Variants in CDH8 observed in about 807,000 individuals in gnomAD.
CDH8 encodes cadherin 8, also known as cadherin-8.
Under a neutral mutation model 68.1 loss-of-function variants are expected in CDH8, and 17 were observed. The observed-to-expected ratio is 0.25, with a 90% confidence interval of 0.17 to 0.37. The LOEUF (loss-of-function observed/expected upper bound fraction) is 0.37. CDH8 is among the 10% of genes least tolerant of loss of function. The probability of loss-of-function intolerance (pLI) is 1.00; values close to 1 mark genes in which losing one functional copy is unlikely to be tolerated. For synonymous variants in CDH8, 372 were observed against 365.1 expected, an observed-to-expected ratio of 1.02 and a Z score of -0.21; for missense variants, 763 against 999.3, an observed-to-expected ratio of 0.76 and a Z score of 3.19.
intron 8 of CDH8, among the ~76,000 whole-genome samples, chr16:61,756,105 G>A (rs1960309362): frequency 1.3e-5 from 2 of 152,124 alleles, no homozygotes; most frequent in Admixed American, 6.6e-5. Flanking sequence ...ACAGGCATGA[G>A]CCACTGCAAC....
At position 61,817,631 on chromosome 16, in the gene CDH8, C is replaced by T. The variant is rs373846529; in HGVS notation, c.1125G>A (p.Thr375=). The T allele has an allele frequency of 6.9e-5, 112 of 1,613,694 alleles. No individual in the cohort carries two copies. The highest frequency in any genetic ancestry group is 8.9e-5 in the Non-Finnish European group (105 of 1,179,958). ...RFSGRGPFKD[T]ATVKIVVEDA... ...CTTCAACCACGATTTTGACTGTCGC[C>T]GTGTCTTTAAAGGGCCCCCTGCCAC... Residue 375 remains threonine (T), a synonymous_variant, in exon 7 of 12, where the codon ACG becomes ACA. Transcript: ENST00000577390.
chr16:61,651,222 A>T lies in CDH8; in HGVS notation c.*2386T>A. The T allele has an allele frequency of 6.6e-6, 1 of 152,084 alleles. No homozygotes were observed. Among genetic ancestry groups the T allele is most frequent in the Non-Finnish European group, 1.5e-5 (1 of 68,026 alleles). 9.4% of individuals were successfully genotyped at this position (152,084 alleles called of 1,614,324 possible). ...GGTGTAAGATAGTTGGAATATTACT[A>T]TTGGTTATTACTGCAACTACTACTA... On this transcript the variant is annotated 3_prime_UTR_variant, in exon 12 of 12. Transcript: ENST00000577390.
chr16:61,754,557 T>G (rs1960261935), intron 8 of CDH8, among the ~76,000 whole-genome samples: 1 of 152,002 alleles, frequency 6.6e-6, no homozygotes, highest in African/African-American at 2.4e-5. Context: ...GTACATGTGA[T>G]ATTTTGACGC....
chr16:61,963,404 A>T (rs1194136982), intron 2 of CDH8, among the ~76,000 whole-genome samples: 1 of 152,230 alleles, frequency 6.6e-6, no homozygotes, highest in African/African-American at 2.4e-5. Flanking sequence ...TTCAAAAACA[A>T]CTTTATATCA....
At chr16:61,807,304 A>G (rs1310926677) in intron 7 of CDH8, among the ~76,000 whole-genome samples, 2 of 124,148 alleles carry the variant, frequency 1.6e-5, no homozygotes, top group African/African-American at 6.3e-5. Flanking sequence ...GGGGAATATC[A>G]CACTCTGGGG....
At chr16:61,918,357 T>G (rs1055313864) in intron 2 of CDH8, 1 of 156,234 alleles carries the variant, frequency 6.4e-6, no homozygotes, top group African/African-American at 2.4e-5. Context: ...GCTCCCAGCG[T>G]GAGCGACGCA....
At chr16:61,783,721 A>G (rs1439592358) in intron 8 of CDH8, among the ~76,000 whole-genome samples, 4 of 151,806 alleles carry the variant, frequency 2.6e-5, no homozygotes, top group African/African-American at 9.7e-5. Context: ...GAAGCCCATC[A>G]GACTAACAGC....
intron 7 of CDH8, among the ~76,000 whole-genome samples, chr16:61,804,503 C>A (rs940909195): frequency 4.4e-4 from 67 of 150,632 alleles, no homozygotes; most frequent in African/African-American, 1.6e-3. Context: ...ACACAAAAAA[C>A]CCTTCAAAAA....
chr16:61,983,976 G>A (rs961443436), intron 2 of CDH8, among the ~76,000 whole-genome samples: 6 of 151,668 alleles, frequency 4.0e-5, no homozygotes, highest in African/African-American at 1.5e-4. Flanking sequence ...GGAGTGCAGT[G>A]GCACCATCTC....
intron 10 of CDH8, chr16:61,692,934 T>C (rs766681009): frequency 1.3e-5 from 2 of 152,114 alleles, no homozygotes; most frequent in Non-Finnish European, 2.9e-5. Flanking sequence ...AACTGAGTCA[T>C]AGAGTAGCAA....
chr16:61,959,486 A>G (rs1372496411), intron 2 of CDH8, among the ~76,000 whole-genome samples: 4 of 149,936 alleles, frequency 2.7e-5, no homozygotes, highest in African/African-American at 9.9e-5. Flanking sequence ...GTGGGACTCT[A>G]CTGGTTACTC....
At chr16:61,658,261 T>C (rs1204454824) in intron 10 of CDH8, among the ~76,000 whole-genome samples, 1 of 152,078 alleles carries the variant, frequency 6.6e-6, no homozygotes, top group Non-Finnish European at 1.5e-5. Flanking sequence ...ATATCTTAAA[T>C]GTTGTAAATA....
chr16:61,737,847 G>A (rs927579961), intron 8 of CDH8, among the ~76,000 whole-genome samples: 3 of 152,132 alleles, frequency 2.0e-5, no homozygotes, highest in Non-Finnish European at 2.9e-5. Context: ...AAATGTCTGC[G>A]TTGTGTTGTA....
chr16:61,710,221 A>G (rs951164208), intron 10 of CDH8, among the ~76,000 whole-genome samples: 18 of 152,234 alleles, frequency 1.2e-4, no homozygotes, highest in African/African-American at 4.3e-4. Context: ...AGATTAGAAA[A>G]CTGAGGCTTA....
intron 10 of CDH8, among the ~76,000 whole-genome samples, chr16:61,677,927 A>C (rs1963944943): frequency 6.6e-6 from 1 of 151,934 alleles, no homozygotes; most frequent in Admixed American, 6.6e-5. Context: ...TAACGTCAAC[A>C]CAGACCTTAA....
At position 61,652,062 on chromosome 16, in the gene CDH8, T is replaced by A. The variant is rs1963333747; in HGVS notation, c.*1546A>T. On this transcript the variant is annotated 3_prime_UTR_variant, in exon 12 of 12. Coordinates refer to ENST00000577390, the MANE Select transcript of CDH8 (RefSeq NM_001796.5). Reference sequence around the variant, plus strand: ...GTAGGAAACAATACAGGAGTTTCTCTGAATACAATACATGGAGTGAATAAA... The same window carrying A: ...GTAGGAAACAATACAGGAGTTTCTCAGAATACAATACATGGAGTGAATAAA... 2 of 884,616 alleles carry A rather than the reference T, an allele frequency of 2.3e-6. No individual in the cohort carries two copies. Among genetic ancestry groups the A allele is most frequent in the African/African-American group, 3.6e-5 (2 of 55,156 alleles). The allele number at this position is 884,616 out of a possible 1,614,324, so 54.8% of individuals were successfully genotyped here.
At chr16:61,802,709 G>C (rs1262089346) in intron 7 of CDH8, among the ~76,000 whole-genome samples, 1 of 127,534 alleles carries the variant, frequency 7.8e-6, no homozygotes, top group Non-Finnish European at 1.6e-5. Context: ...TGGAAGAAAG[G>C]GTATCAGCGA....
At chr16:61,996,055 C>A (rs1305673485) in intron 2 of CDH8, among the ~76,000 whole-genome samples, 1 of 152,178 alleles carries the variant, frequency 6.6e-6, no homozygotes, top group Non-Finnish European at 1.5e-5. Flanking sequence ...TCTCCTTCGC[C>A]TCCAGACAAA....
At position 61,782,810 on chromosome 16, in the gene CDH8, C is replaced by A. The variant is rs553346098; in HGVS notation, c.1414+6536G>T. On this transcript the variant is annotated intron_variant, in intron 8 of 11. Transcript: ENST00000577390. ...ACCCCTGAGCAGCCTAACTGGGAGG[C>A]ACCCCCCAGCAGGGGCACACTGACA... 9.0e-3 allele frequency among the ~76,000 whole-genome samples: 1,368 copies of A among 152,232 alleles called. 22 individuals are homozygous for A. The highest frequency in any genetic ancestry group is 0.032 in the African/African-American group (1,316 of 41,552).
Sources: allele counts gnomAD v4.1 joint callset (sites outside exome capture counted in the v4.1 genomes callset), GRCh38; gene constraint gnomAD v4.1.1; transcripts MANE v1.5; gene names NCBI Gene and HGNC (gene_info 2026-07-23, HGNC 2026-07-21).